Variants in AKAP19 observed in about 807,000 individuals in gnomAD.
AKAP19 encodes the protein small A-kinase anchoring protein.
the AKAP19 span, among the ~76,000 whole-genome samples, chr2:190,021,078 C>T: frequency 6.6e-6 from 1 of 152,150 alleles, no homozygotes; most frequent in African/African-American, 2.4e-5. Flanking sequence ...GTGGATAATG[C>T]TACTCTGAAC....
At chr2:190,200,341 G>GTCTT in the AKAP19 span, 1 of 575,322 alleles carries the variant, frequency 1.7e-6, no homozygotes, top group Non-Finnish European at 3.1e-6. Context: ...TTTCTGTTTA[G>GTCTT]TCTTAGATTT....
chr2:189,955,849 G>T, the AKAP19 span, among the ~76,000 whole-genome samples: 2 of 151,982 alleles, frequency 1.3e-5, no homozygotes, highest in Non-Finnish European at 2.9e-5. Context: ...TCTCACTCAG[G>T]GTTGTTTAAA....
the AKAP19 span, among the ~76,000 whole-genome samples, chr2:190,153,333 T>C: frequency 1.3e-5 from 2 of 152,258 alleles, no homozygotes; most frequent in Non-Finnish European, 1.5e-5. Flanking sequence ...TTTTCAGGTA[T>C]ACAATCATAC....
chr2:189,955,607 T>C, the AKAP19 span, among the ~76,000 whole-genome samples: 1 of 152,212 alleles, frequency 6.6e-6, no homozygotes, highest in East Asian at 1.9e-4. Context: ...TTCTTTTCTC[T>C]GCATCCTCAC....
the AKAP19 span, among the ~76,000 whole-genome samples, chr2:189,884,733 T>C: frequency 6.6e-6 from 1 of 152,256 alleles, no homozygotes; most frequent in South Asian, 2.1e-4. Flanking sequence ...TGCTAGTATA[T>C]GAGTATGGGA....
At chr2:190,021,640 G>A in the AKAP19 span, among the ~76,000 whole-genome samples, 5 of 152,288 alleles carry the variant, frequency 3.3e-5, no homozygotes, top group African/African-American at 4.8e-5. Context: ...CCAATGACTG[G>A]GCATGGTGCA....
chr2:190,124,111 C>G, the AKAP19 span, among the ~76,000 whole-genome samples: 1 of 152,206 alleles, frequency 6.6e-6, no homozygotes, highest in Non-Finnish European at 1.5e-5. Context: ...ATGAGCCATG[C>G]TACTGGCATC....
the AKAP19 span, chr2:190,181,221 G>A: frequency 2.2e-6 from 2 of 914,282 alleles, no homozygotes; most frequent in African/African-American, 1.8e-5. Flanking sequence ...TGAGTTACAG[G>A]AGGCTTTAAT....
chr2:189,897,420 G>A, the AKAP19 span, among the ~76,000 whole-genome samples: 1 of 152,156 alleles, frequency 6.6e-6, no homozygotes, highest in East Asian at 1.9e-4. Context: ...TTAAGCTAAT[G>A]AAAGCCCCTT....
chr2:190,006,407 G>T, the AKAP19 span, among the ~76,000 whole-genome samples: 1 of 152,096 alleles, frequency 6.6e-6, no homozygotes, highest in East Asian at 1.9e-4. Flanking sequence ...CAGCACTTTG[G>T]GAGGCAGAGA....
chr2:190,186,559 A>G, the AKAP19 span, among the ~76,000 whole-genome samples: 1 of 152,224 alleles, frequency 6.6e-6, no homozygotes, highest in African/African-American at 2.4e-5. This position sits in a 1 kb window ranked among gnomAD's most constrained non-coding sequence, Gnocchi z 5.5. Flanking sequence ...CCAAAGTCAT[A>G]TATACAGTAT....
chr2:190,073,523 T>C, the AKAP19 span, among the ~76,000 whole-genome samples: 1 of 151,916 alleles, frequency 6.6e-6, no homozygotes, highest in Non-Finnish European at 1.5e-5. Context: ...ATTAATACTC[T>C]AAAAGCCACC....
At chr2:189,961,317 C>T in the AKAP19 span, among the ~76,000 whole-genome samples, 2 of 152,106 alleles carry the variant, frequency 1.3e-5, no homozygotes, top group Non-Finnish European at 2.9e-5. Flanking sequence ...ATGGTCTCTA[C>T]CCAAAAGACT....
At chr2:190,184,622 GGGA>G in the AKAP19 span, among the ~76,000 whole-genome samples, 10 of 152,248 alleles carry the variant, frequency 6.6e-5, no homozygotes, top group South Asian at 1.2e-3. Context: ...GAGGAAGGGC[GGGA>G]GGAGGACTAG....
At chr2:189,897,873 T>C in the AKAP19 span, among the ~76,000 whole-genome samples, 1 of 152,254 alleles carries the variant, frequency 6.6e-6, no homozygotes, top group East Asian at 1.9e-4. Context: ...CCCAGACATT[T>C]TACTAAATCC....
the AKAP19 span, among the ~76,000 whole-genome samples, chr2:190,013,381 T>C: frequency 2.6e-5 from 4 of 152,166 alleles, no homozygotes. Flanking sequence ...GATTATCCAA[T>C]TTATTGCTTA....
chr2:189,930,676 CAAAAAA>C, the AKAP19 span: 12 of 314,870 alleles, frequency 3.8e-5, no homozygotes, highest in Middle Eastern at 4.2e-4. Context: ...AACTCCCTCT[CAAAAAA>C]AAAAAAAAAG....
At chr2:190,199,021 A>G in the AKAP19 span, among the ~76,000 whole-genome samples, 1 of 152,174 alleles carries the variant, frequency 6.6e-6, no homozygotes, top group African/African-American at 2.4e-5. Flanking sequence ...GCTATATGTA[A>G]CCTATATTGT....
At chr2:190,089,276 G>A in the AKAP19 span, among the ~76,000 whole-genome samples, 16 of 151,444 alleles carry the variant, frequency 1.1e-4, no homozygotes, top group Non-Finnish European at 1.0e-4. Flanking sequence ...TTATTTTTAC[G>A]CTGAAATTGG....
Sources: gnomAD v4.1 joint callset for allele counts (sites outside exome capture counted in the v4.1 genomes callset) on GRCh38, gnomAD v4.1.1 for gene constraint, Gnocchi (gnomAD v3.1) non-coding constraint, MANE v1.5 for transcripts, NCBI Gene and HGNC (gene_info 2026-07-23, HGNC 2026-07-21) for gene names.